The following NCOA3 variants were observed in gnomAD, a reference collection of about 807,000 sequenced individuals.
NCOA3 encodes the protein nuclear receptor coactivator 3, also known as CBP-interacting protein.
A neutral mutation model predicts 158.8 loss-of-function variants in NCOA3; 51 were observed. The observed-to-expected ratio is 0.32, with a 90% confidence interval of 0.26 to 0.41. The LOEUF (loss-of-function observed/expected upper bound fraction) is 0.41. Ranked by LOEUF, NCOA3 falls within the 10% of genes least tolerant of loss-of-function variation. NCOA3 has a pLI of 1.00. For synonymous variants in NCOA3, 537 were observed against 592.4 expected (o/e 0.91, Z 1.36); for missense variants, 1,510 against 1,746.6 (o/e 0.86, Z 2.41).
chr20:47,637,910 T>A (rs1271371479), intron 13 of NCOA3, 127 bp downstream of exon 13: 2 of 806,574 alleles, frequency 2.5e-6, no homozygotes, highest in South Asian at 3.5e-5. Context: ...ATTCTGCCTC[T>A]GTTTTCTATA....
Position 47,501,998 on chromosome 20 carries a change from G to A in NCOA3, c.-120G>A, listed in dbSNP as rs1294896229. On this transcript the variant is annotated 5_prime_UTR_variant, in exon 1 of 23. Transcript: ENST00000371998. Reference sequence around the variant, plus strand: ...CGAGTTTCCGATTTAAAGCTGAGCTGCGAGGAAAATGGCGGCGGGAGGTGA... The same window carrying A: ...CGAGTTTCCGATTTAAAGCTGAGCTACGAGGAAAATGGCGGCGGGAGGTGA... 2 of 399,242 alleles carry A rather than the reference G, an allele frequency of 5.0e-6. No homozygotes were observed. Among genetic ancestry groups the A allele is most frequent in the African/African-American group, 4.1e-5 (2 of 48,596 alleles). The allele number at this position is 399,242 out of a possible 1,614,324, so 24.7% of individuals were successfully genotyped here. A position where few individuals can be genotyped will look rare whatever the true frequency, so the allele number is the denominator to read the frequency against.
At chr20:47,511,554 T>TATATATATATATACACACACAC (rs1231372303) in intron 1 of NCOA3, among the ~76,000 whole-genome samples, 1 of 31,072 alleles carries the variant, frequency 3.2e-5, no homozygotes, top group African/African-American at 6.2e-5. Context: ...TATATATATA[T>TATATATATATATACACACACAC]ATTTCTTTTT....
In NCOA3 at chr20:47,638,546, G is replaced by GA. The variant is rs372980826; in HGVS notation, c.2513-455dup. ...GGATAGATCAATTAAGAGTGGGGGG[G>GA]AAAAAAAGAAGGTTAGAAGGGGATT... On this transcript the variant is annotated intron_variant, in intron 13 of 22. Transcript: ENST00000371998. Among the ~76,000 whole-genome samples the GA allele has an allele frequency of 1.8e-4, 28 of 152,020 alleles. 1 individual carries two copies. Among genetic ancestry groups the GA allele is most frequent in the African/African-American group, 5.3e-4 (22 of 41,474 alleles).
intron 1 of NCOA3, among the ~76,000 whole-genome samples, chr20:47,532,975 G>A (rs1382005057): frequency 1.3e-5 from 2 of 151,198 alleles, no homozygotes; most frequent in Non-Finnish European, 2.9e-5. Flanking sequence ...ACGTGGTGGC[G>A]GGCGCCTGTA....
At chr20:47,652,045 G>T (rs1255152632) in intron 20 of NCOA3, among the ~76,000 whole-genome samples, 1 of 152,026 alleles carries the variant, frequency 6.6e-6, no homozygotes, top group East Asian at 1.9e-4. Flanking sequence ...GGGAATAAAG[G>T]TGTCTATTGG....
At chr20:47,565,046 A>G (rs906348645) in intron 1 of NCOA3, among the ~76,000 whole-genome samples, 9 of 152,228 alleles carry the variant, frequency 5.9e-5, no homozygotes, top group Admixed American at 5.9e-4. Context: ...CAGTGGCACG[A>G]TCTCGACTCA....
At chr20:47,650,838 G>A (rs1404488054) in intron 19 of NCOA3, 144 bp from the exon 20 acceptor site, 1 of 776,236 alleles carries the variant, frequency 1.3e-6, no homozygotes, top group Non-Finnish European at 2.1e-6. Flanking sequence ...GCTCCAGCCT[G>A]GGCGACAGAG....
intron 1 of NCOA3, among the ~76,000 whole-genome samples, chr20:47,519,869 C>T (rs1006407305): frequency 4.0e-5 from 6 of 151,890 alleles, no homozygotes; most frequent in African/African-American, 1.5e-4. Context: ...TCAAGAGATT[C>T]TCCTGCCTCA....
At chr20:47,596,553 T>TGTG (rs2085759334) in intron 2 of NCOA3, among the ~76,000 whole-genome samples, 1 of 152,216 alleles carries the variant, frequency 6.6e-6, no homozygotes, top group African/African-American at 2.4e-5. Context: ...TTGCTTTCAA[T>TGTG]GTGGTGGTAC....
intron 2 of NCOA3, among the ~76,000 whole-genome samples, chr20:47,595,450 C>T (rs2085738126): frequency 6.6e-6 from 1 of 152,188 alleles, no homozygotes; most frequent in South Asian, 2.1e-4. Context: ...CAAGAATCTA[C>T]AGTCCTTGGC....
At chr20:47,592,809 C>T (rs1288055801) in intron 2 of NCOA3, among the ~76,000 whole-genome samples, 3 of 152,196 alleles carry the variant, frequency 2.0e-5, no homozygotes, top group Non-Finnish European at 2.9e-5. Context: ...ATTTAAAAAA[C>T]GGTTTTCAGT....
intron 2 of NCOA3, among the ~76,000 whole-genome samples, chr20:47,610,877 G>A (rs6066408): frequency 0.068 from 10,344 of 152,192 alleles, 453 homozygotes; most frequent in Non-Finnish European, 0.097. Flanking sequence ...CTCTATTTTT[G>A]ATATTGCTGG....
At chr20:47,598,206 C>T (rs2085794914) in intron 2 of NCOA3, among the ~76,000 whole-genome samples, 2 of 134,194 alleles carry the variant, frequency 1.5e-5, no homozygotes, top group Admixed American at 1.6e-4. Flanking sequence ...AAGATCACGC[C>T]ACTGCACTCC....
chr20:47,525,980 C>T (rs1245422180), intron 1 of NCOA3, among the ~76,000 whole-genome samples: 23 of 149,104 alleles, frequency 1.5e-4, no homozygotes, highest in African/African-American at 3.7e-4. Context: ...GGCTGCTGGG[C>T]GGAGACGCTC....
rs750268774 is a variant in NCOA3 at position 47,656,313 on chromosome 20, A to G, written c.*2896A>G. 8 of 152,162 alleles carry G rather than the reference A, an allele frequency of 5.3e-5. No homozygotes were observed. Among genetic ancestry groups the G allele is most frequent in the Middle Eastern group, 3.2e-3 (1 of 316 alleles). 9.4% of individuals were successfully genotyped at this position (152,162 alleles called of 1,614,324 possible). ...TCTGGATTGAAAGGTGTAAATATCA[A>G]TAACAGTGCTACTTAGTTATCAGTA... On this transcript the variant is annotated 3_prime_UTR_variant, in exon 23 of 23. Coordinates refer to ENST00000371998, the MANE Select transcript of NCOA3 (RefSeq NM_181659.3).
At chr20:47,568,754 C>T (rs1330909884) in intron 1 of NCOA3, among the ~76,000 whole-genome samples, 1 of 151,632 alleles carries the variant, frequency 6.6e-6, no homozygotes, top group Non-Finnish European at 1.5e-5. Flanking sequence ...CAATATTGTG[C>T]CACCACACTC....
At chr20:47,591,126 GACAAAAGAAAAA>G (rs968308876) in intron 2 of NCOA3, among the ~76,000 whole-genome samples, 21 of 151,950 alleles carry the variant, frequency 1.4e-4, no homozygotes, top group African/African-American at 3.1e-4. Context: ...AAAAACAAAA[GACAAAAGAAAAA>G]ACAAAAGAAA....
chr20:47,549,859 A>G (rs568446165), intron 1 of NCOA3, among the ~76,000 whole-genome samples: 2 of 152,068 alleles, frequency 1.3e-5, no homozygotes, highest in South Asian at 4.2e-4. Context: ...CGCCACCACC[A>G]TGCCTGGCTA....
chr20:47,599,867 A>G (rs934913332), intron 2 of NCOA3, among the ~76,000 whole-genome samples: 2 of 152,292 alleles, frequency 1.3e-5, no homozygotes, highest in Non-Finnish European at 2.9e-5. Flanking sequence ...ACCCAGATCC[A>G]TCTCCACTTC....
Sources: gnomAD v4.1 joint callset for allele counts (sites outside exome capture counted in the v4.1 genomes callset) on GRCh38, gnomAD v4.1.1 for gene constraint, MANE v1.5 for transcripts, NCBI Gene and HGNC (gene_info 2026-07-23, HGNC 2026-07-21) for gene names.